The following PCNX1 variants were observed in gnomAD, a reference collection of about 807,000 sequenced individuals.
PCNX1 encodes pecanex-like protein 1.
In PCNX1, 78 loss-of-function variants were observed where a neutral mutation model predicts 242.2. That is an observed-to-expected ratio of 0.32 (90% CI 0.27 to 0.39). The LOEUF (loss-of-function observed/expected upper bound fraction) is 0.39. Ranked by LOEUF, PCNX1 falls within the 10% of genes least tolerant of loss-of-function variation. PCNX1 has a pLI of 1.00. For missense variants in PCNX1, 2,581 were observed against 2,856.5 expected (o/e 0.90, Z 2.20); for synonymous variants, 1,024 against 1,032.9 (o/e 0.99, Z 0.17).
At chr14:71,035,363 T>C (rs1461203819) in intron 18 of PCNX1, among the ~76,000 whole-genome samples, 1 of 152,248 alleles carries the variant, frequency 6.6e-6, no homozygotes, top group Non-Finnish European at 1.5e-5. Flanking sequence ...CAGAACTAGA[T>C]ACGTTGTTCA....
At chr14:71,049,374 G>A (rs1209539822) in intron 22 of PCNX1, among the ~76,000 whole-genome samples, 1 of 152,014 alleles carries the variant, frequency 6.6e-6, no homozygotes, top group Non-Finnish European at 1.5e-5. Flanking sequence ...ATATTCAAGG[G>A]ATTTCTTCAG....
Position 70,984,511 on chromosome 14 carries a change from C to T in PCNX1, c.2312-4056C>T, listed in dbSNP as rs549576753. ...ACGCCATTCTCCTGCCTCAGCCTCC[C>T]GAGTAGCTGGGATTACAGGCGTCCA... On this transcript the variant is annotated intron_variant, in intron 6 of 35. Coordinates refer to ENST00000304743, the MANE Select transcript of PCNX1 (RefSeq NM_014982.3). Among the ~76,000 whole-genome samples, 7 of 151,164 alleles carry T rather than the reference C, an allele frequency of 4.6e-5. 1 individual carries two copies. The highest frequency in any genetic ancestry group is 3.4e-3 in the Middle Eastern group (1 of 294).
intron 7 of PCNX1, among the ~76,000 whole-genome samples, chr14:70,994,396 G>GATAGATATATATATATATAT (rs1555357306): frequency 5.2e-5 from 5 of 96,970 alleles, no homozygotes; most frequent in Non-Finnish European, 1.1e-4. Flanking sequence ...ACAGGCTTAA[G>GATAGATATATATATATATAT]ATATATATAT....
intron 1 of PCNX1, among the ~76,000 whole-genome samples, chr14:70,919,716 C>A (rs2056299236): frequency 9.5e-5 from 2 of 21,146 alleles, no homozygotes; most frequent in Non-Finnish European, 2.4e-4. Context: ...TGCTCCCCCC[C>A]CCCCCCCCCC....
chr14:70,958,820 C>T (rs1223574496), intron 2 of PCNX1, among the ~76,000 whole-genome samples: 1 of 149,902 alleles, frequency 6.7e-6, no homozygotes, highest in East Asian at 2.0e-4. Flanking sequence ...CACCCCTAAA[C>T]CTGAGGGTGG....
At chr14:71,036,013 G>A (rs2060521180) in intron 18 of PCNX1, 52 bp from the exon 19 acceptor site, 1 of 1,277,464 alleles carries the variant, frequency 7.8e-7, no homozygotes, top group Non-Finnish European at 1.1e-6. Flanking sequence ...AAAGGAAAAA[G>A]ATTTTTAAAA....
At chr14:70,933,332 A>T (rs2056875994) in intron 1 of PCNX1, among the ~76,000 whole-genome samples, 1 of 152,284 alleles carries the variant, frequency 6.6e-6, no homozygotes. Flanking sequence ...TAGAGAAGAA[A>T]ATAATTTTTC....
intron 1 of PCNX1, among the ~76,000 whole-genome samples, chr14:70,910,014 A>T (rs1369364251): frequency 4.7e-5 from 1 of 21,318 alleles, no homozygotes; most frequent in Non-Finnish European, 1.2e-4. Context: ...TCAAAACCTA[A>T]CTAGACGACG....
chr14:71,109,181 G>A, intron 34 of PCNX1, 135 bp downstream of exon 34: 2 of 925,448 alleles, frequency 2.2e-6, no homozygotes, highest in Non-Finnish European at 3.2e-6. Context: ...GAATGTTGGG[G>A]AAAAATTTCT....
intron 30 of PCNX1, among the ~76,000 whole-genome samples, chr14:71,098,026 A>G (rs1262423794): frequency 1.3e-5 from 2 of 152,302 alleles, no homozygotes; most frequent in East Asian, 3.9e-4. Flanking sequence ...CCCTAGCACC[A>G]TTTATTGAAT....
At chr14:71,005,229 G>A (rs61990380) in intron 8 of PCNX1, among the ~76,000 whole-genome samples, 44,678 of 152,054 alleles carry the variant, frequency 0.29, 6,575 homozygotes, top group Middle Eastern at 0.38. Flanking sequence ...CAGGCTGGGC[G>A]TGGTGGCTAA....
In PCNX1 at chr14:71,052,041, A is replaced by C. The variant is rs765666248; in HGVS notation, c.4577+29A>C. 2.6e-6 allele frequency: 4 copies of C among 1,560,462 alleles called. No homozygotes were observed. In the Admixed American group the frequency reaches 7.3e-5, roughly 28 times the overall value. ...AGTAAAGTAAAACACTTGAAAAACA[A>C]TTTTTATCTTTCCTACTGGGAAAAA... is the stretch of plus-strand genomic sequence containing the variant. On this transcript the variant is annotated intron_variant, in intron 24 of 35. Transcript: ENST00000304743.
intron 1 of PCNX1, among the ~76,000 whole-genome samples, chr14:70,928,956 T>C (rs561527075): frequency 1.3e-5 from 2 of 152,210 alleles, no homozygotes; most frequent in South Asian, 2.1e-4. Flanking sequence ...CAGAAAACCA[T>C]TTCAACACAT....
chr14:70,930,546 AAGAT>A (rs1487510380), intron 1 of PCNX1, among the ~76,000 whole-genome samples: 3 of 152,220 alleles, frequency 2.0e-5, no homozygotes, highest in Non-Finnish European at 4.4e-5. Context: ...AGATTTTTAA[AAGAT>A]AGATACAGAT....
chr14:71,042,366 T>C (rs968315343), intron 19 of PCNX1, among the ~76,000 whole-genome samples: 7 of 152,174 alleles, frequency 4.6e-5, no homozygotes, highest in African/African-American at 1.7e-4. Context: ...GGTGCATGTA[T>C]GTTTATAATT....
In PCNX1 at chr14:71,036,152, T is replaced by A; in HGVS notation, c.3862T>A (p.Leu1288Met). The change falls in exon 19 of 36, where the codon TTG becomes ATG. Residue 1288 changes from leucine to methionine, a missense_variant. Leu to Met is a conservative substitution (Grantham distance 15). Transcript: ENST00000304743. ...AIHVSTVFTV[L>M]QPALKYVLYT... ...TCATGTAAGCACAGTCTTCACAGTA[T>A]TGCAGGTAAGGAATCATTTTCTCCT... 1 of 1,574,818 alleles carries A rather than the reference T, an allele frequency of 6.3e-7. No individual in the cohort carries two copies. Among genetic ancestry groups the A allele is most frequent in the Non-Finnish European group, 8.7e-7 (1 of 1,144,236 alleles).
chr14:70,995,837 C>T lies in PCNX1; in HGVS notation c.2541C>T (p.Ser847=). 1 of 1,613,958 alleles carries T rather than the reference C, an allele frequency of 6.2e-7. No individual in the cohort carries two copies. The change falls in exon 8 of 36, where the codon TCC becomes TCT. Residue 847 remains serine, a synonymous_variant. Transcript: ENST00000304743. The part of the protein sequence containing the change: ...SQAAVLSASA[S]LLVRNGSVHL... The stretch of plus-strand genomic sequence containing the variant: ...CTGCAGTGCTCAGTGCTAGTGCCTC[C>T]TTGCTGGTGAGAAATGGGAGTGTCC...
chr14:71,007,850 T>C (rs924636747), intron 8 of PCNX1, among the ~76,000 whole-genome samples: 1 of 152,148 alleles, frequency 6.6e-6, no homozygotes, highest in African/African-American at 2.4e-5. Context: ...AAACTTTCAG[T>C]GATACATCTA....
At chr14:71,032,334 A>G (rs1008214816) in intron 16 of PCNX1, among the ~76,000 whole-genome samples, 6 of 152,166 alleles carry the variant, frequency 3.9e-5, no homozygotes, top group Non-Finnish European at 8.8e-5. Flanking sequence ...TTTTCAGTAC[A>G]TTCAAACATG....
Sources: gnomAD v4.1 joint callset for allele counts (sites outside exome capture counted in the v4.1 genomes callset) on GRCh38, gnomAD v4.1.1 for gene constraint, MANE v1.5 for transcripts, NCBI Gene and HGNC (gene_info 2026-07-23, HGNC 2026-07-21) for gene names.